Variants in SORCS3 observed in about 807,000 individuals in gnomAD.
SORCS3 encodes sortilin related VPS10 domain containing receptor 3.
SORCS3 carries 57 observed loss-of-function variants against 146.3 expected under a neutral mutation model. The ratio of observed to expected loss-of-function variants is 0.39; its 90% CI spans 0.31 to 0.49. SORCS3 has a LOEUF of 0.49. Among genes scored for constraint, SORCS3 ranks in the 20% least tolerant of loss-of-function variants. The pLI, the probability that SORCS3 is intolerant of heterozygous loss-of-function variation, is 0.92. For missense variants in SORCS3, 1,341 were observed against 1,575.5 expected, an observed-to-expected ratio of 0.85 and a Z score of 2.52; for synonymous variants, 653 against 618.5, an observed-to-expected ratio of 1.06 and a Z score of -0.83.
intron 8 of SORCS3, among the ~76,000 whole-genome samples, chr10:105,145,132 A>G (rs2056122190): frequency 6.6e-6 from 1 of 151,982 alleles, no homozygotes; most frequent in Non-Finnish European, 1.5e-5. Flanking sequence ...TGTTCTTAGC[A>G]CAAGTCTGCA....
chr10:105,025,766 A>G (rs2055224170), intron 4 of SORCS3, among the ~76,000 whole-genome samples: 1 of 151,802 alleles, frequency 6.6e-6, no homozygotes, highest in Non-Finnish European at 1.5e-5. Flanking sequence ...AGCAGAGCAC[A>G]CACAATAGAC....
At chr10:104,931,123 T>C (rs1272048149) in intron 3 of SORCS3, among the ~76,000 whole-genome samples, 1 of 152,150 alleles carries the variant, frequency 6.6e-6, no homozygotes, top group Non-Finnish European at 1.5e-5. Context: ...TGACTGAAAG[T>C]TTGTCTGCTT....
chr10:105,052,320 CTGT>C (rs139004612), intron 5 of SORCS3, among the ~76,000 whole-genome samples: 7,030 of 152,240 alleles, frequency 0.046, 186 homozygotes, highest in Middle Eastern at 0.075. Flanking sequence ...ACCGGAAACA[CTGT>C]TGTTTTCTCT....
intron 1 of SORCS3, among the ~76,000 whole-genome samples, chr10:104,798,400 A>G (rs1283104221): frequency 1.3e-5 from 2 of 152,074 alleles, no homozygotes; most frequent in Non-Finnish European, 2.9e-5. Context: ...TCTTCTATAA[A>G]CCCCATATTT....
intron 2 of SORCS3, among the ~76,000 whole-genome samples, chr10:104,887,618 C>T (rs746054923): frequency 9.2e-5 from 14 of 152,088 alleles, no homozygotes; most frequent in Non-Finnish European, 1.8e-4. Context: ...GTTGGGTGCT[C>T]ACCCTGCGAT....
At chr10:105,193,098 C>A (rs2056525757) in intron 14 of SORCS3, among the ~76,000 whole-genome samples, 1 of 152,054 alleles carries the variant, frequency 6.6e-6, no homozygotes, top group Non-Finnish European at 1.5e-5. Context: ...CGCCTCCCTC[C>A]CTCAAATTAA....
chr10:105,219,867 G>A (rs753442588), intron 19 of SORCS3, among the ~76,000 whole-genome samples: 55 of 152,132 alleles, frequency 3.6e-4, no homozygotes, highest in Admixed American at 8.5e-4. Flanking sequence ...AAACACAACA[G>A]CAAGGAAGAG....
chr10:104,783,969 T>C (rs1320935623), intron 1 of SORCS3, among the ~76,000 whole-genome samples: 3 of 152,228 alleles, frequency 2.0e-5, no homozygotes. Context: ...CCAGATGCCT[T>C]TGGGAAAATA....
At chr10:104,742,955 T>C (rs949948584) in intron 1 of SORCS3, among the ~76,000 whole-genome samples, 1 of 152,216 alleles carries the variant, frequency 6.6e-6, no homozygotes, top group Admixed American at 6.5e-5. Flanking sequence ...GCCCTGTGTG[T>C]AAGAAGCTTG....
intron 17 of SORCS3, among the ~76,000 whole-genome samples, chr10:105,214,137 G>A (rs1392688322): frequency 1.3e-5 from 2 of 152,136 alleles, no homozygotes; most frequent in Non-Finnish European, 2.9e-5. Flanking sequence ...CTTTTGTTGT[G>A]TGAGTCAGAC....
chr10:104,983,330 G>A (rs2054942538), intron 4 of SORCS3, among the ~76,000 whole-genome samples: 2 of 152,050 alleles, frequency 1.3e-5, no homozygotes, highest in Non-Finnish European at 2.9e-5. Flanking sequence ...TCTATATGAT[G>A]TCCTAGACTT....
At chr10:104,720,493 T>G (rs1195528418) in intron 1 of SORCS3, among the ~76,000 whole-genome samples, 1 of 152,222 alleles carries the variant, frequency 6.6e-6, no homozygotes, top group African/African-American at 2.4e-5. Flanking sequence ...ATATACCCAG[T>G]AATGGGATGG....
At chr10:104,724,631 G>A (rs1203007439) in intron 1 of SORCS3, among the ~76,000 whole-genome samples, 1 of 152,038 alleles carries the variant, frequency 6.6e-6, no homozygotes, top group Non-Finnish European at 1.5e-5. Context: ...CGTAGATTTG[G>A]TCTTTTCACA....
intron 1 of SORCS3, among the ~76,000 whole-genome samples, chr10:104,690,283 C>T (rs566259449): frequency 4.6e-5 from 7 of 152,128 alleles, no homozygotes; most frequent in Admixed American, 2.0e-4. Context: ...GTGGATTTGA[C>T]GGGTCAGTCC....
intron 14 of SORCS3, among the ~76,000 whole-genome samples, chr10:105,191,666 G>C (rs1489860182): frequency 6.6e-6 from 1 of 152,302 alleles, no homozygotes; most frequent in Non-Finnish European, 1.5e-5. Context: ...AGTGCAGGTG[G>C]GGGGTGTTGA....
intron 1 of SORCS3, among the ~76,000 whole-genome samples, chr10:104,702,670 G>A (rs1210520403): frequency 2.0e-5 from 3 of 152,168 alleles, no homozygotes; most frequent in Admixed American, 6.5e-5. Context: ...ACCTTGGACT[G>A]TACTCAGGGG....
At chr10:104,999,550 C>A (rs979317004) in intron 4 of SORCS3, among the ~76,000 whole-genome samples, 14 of 152,148 alleles carry the variant, frequency 9.2e-5, no homozygotes, top group Non-Finnish European at 2.1e-4. Context: ...CTCCCCACTC[C>A]CTGCACAACT....
chr10:104,724,381 C>A (rs1199296063), intron 1 of SORCS3, among the ~76,000 whole-genome samples: 1 of 152,124 alleles, frequency 6.6e-6, no homozygotes, highest in African/African-American at 2.4e-5. Context: ...GTGGGTAACC[C>A]GACCTTTCTC....
intron 3 of SORCS3, among the ~76,000 whole-genome samples, chr10:104,975,122 C>G (rs61867168): frequency 1.3e-5 from 2 of 151,452 alleles, no homozygotes; most frequent in South Asian, 2.1e-4. Flanking sequence ...GTCAAATTGT[C>G]CTTGTTTGCA....
Sources: allele counts gnomAD v4.1 joint callset (sites outside exome capture counted in the v4.1 genomes callset), GRCh38; gene constraint gnomAD v4.1.1; transcripts MANE v1.5; gene names NCBI Gene and HGNC (gene_info 2026-07-23, HGNC 2026-07-21).